CDH13: variants seen among roughly 807,000 people sequenced by gnomAD.
CDH13 encodes cadherin-13.
A neutral mutation model predicts 63.8 loss-of-function variants in CDH13; 24 were observed. The observed-to-expected ratio is 0.38, with a 90% CI of 0.27 to 0.53. The LOEUF (loss-of-function observed/expected upper bound fraction) is 0.53, where lower values mean the gene tolerates loss of function less well. Among genes scored for constraint, CDH13 ranks in the 20% least tolerant of loss-of-function variants. The pLI, the probability that CDH13 is intolerant of heterozygous loss-of-function variation, is 0.85. For missense variants in CDH13, 1,049 were observed against 903.1 expected, an observed-to-expected ratio of 1.16 and a Z score of -2.07; for synonymous variants, 503 against 355.3, an observed-to-expected ratio of 1.42 and a Z score of -4.67.
At position 83,197,176 on chromosome 16, in the gene CDH13, C is replaced by G. The variant is rs535503458; in HGVS notation, c.484-20169C>G. Among the ~76,000 whole-genome samples the G allele has an allele frequency of 1.7e-4, 26 of 152,178 alleles. 1 individual carries two copies. The South Asian group carries it at 5.2e-3, about 30-fold the overall frequency. ...CAGGGAATTATGCTGAATGAAAATG[C>G]TAATCCCAGAGGTTGCATACTATAT... On this transcript the variant is annotated intron_variant, in intron 4 of 13. Transcript: ENST00000567109.
rs181306646 is a variant in CDH13, at chr16:83,744,269, A to T, written c.1539-3839A>T. ...ATTTTTACCAGTGCATGTGCCTCGC[A>T]CAGACCTAGTGAGGTGATTAATTCT... On this transcript the variant is annotated intron_variant, in intron 10 of 13. Transcript: ENST00000567109. 1.6e-3 allele frequency among the ~76,000 whole-genome samples: 249 copies of T among 152,308 alleles called. 1 individual carries two copies. Among genetic ancestry groups the T allele is most frequent in the African/African-American group, 5.6e-3 (234 of 41,574 alleles).
intron 5 of CDH13, among the ~76,000 whole-genome samples, chr16:83,253,295 G>A (rs945828715): frequency 1.3e-5 from 2 of 152,168 alleles, no homozygotes; most frequent in Admixed American, 6.5e-5. Context: ...CTAGGGCGGG[G>A]TACCTGACAT....
chr16:83,541,522 T>C lies in CDH13; in HGVS notation c.960+54867T>C, dbSNP rs2075295613. ...TTAATTTTCCAAAGTTCCTTGCAGT[T>C]AGGCAGGGCCATGAAACAGACAATG... On this transcript the variant is annotated intron_variant, in intron 7 of 13. Transcript: ENST00000567109. 1.3e-5 allele frequency among the ~76,000 whole-genome samples: 2 copies of C among 152,184 alleles called. 1 individual carries two copies. Among genetic ancestry groups the C allele is most frequent in the Admixed American group, 1.3e-4 (2 of 15,268 alleles).
chr16:83,071,739 A>G (rs111846766), intron 3 of CDH13, among the ~76,000 whole-genome samples: 9,882 of 152,320 alleles, frequency 0.065, 453 homozygotes, highest in Non-Finnish European at 0.1. Flanking sequence ...CATGTTAAAT[A>G]TTTGAATAAA....
intron 3 of CDH13, among the ~76,000 whole-genome samples, chr16:83,100,335 T>G (rs1274415604): frequency 2.6e-5 from 4 of 152,178 alleles, no homozygotes; most frequent in African/African-American, 9.7e-5. Flanking sequence ...TAGGAAGTGT[T>G]GGGGATACCA....
At chr16:82,941,691 C>T (rs1372288291) in intron 2 of CDH13, among the ~76,000 whole-genome samples, 4 of 152,134 alleles carry the variant, frequency 2.6e-5, no homozygotes, top group Non-Finnish European at 5.9e-5. Flanking sequence ...TTGTACCGAG[C>T]TCTCTATCTC....
At chr16:83,258,673 A>G (rs1345801715) in intron 5 of CDH13, among the ~76,000 whole-genome samples, 2 of 152,224 alleles carry the variant, frequency 1.3e-5, no homozygotes, top group African/African-American at 4.8e-5. Flanking sequence ...TTAACGCAAG[A>G]AGAGAATCTG....
At chr16:82,830,086 C>G (rs1439158777) in intron 1 of CDH13, among the ~76,000 whole-genome samples, 3 of 152,100 alleles carry the variant, frequency 2.0e-5, no homozygotes, top group Non-Finnish European at 2.9e-5. Context: ...GTTATTGTTA[C>G]TACTTTTTTT....
chr16:83,105,903 G>A (rs1041612264), intron 3 of CDH13, among the ~76,000 whole-genome samples: 2 of 152,168 alleles, frequency 1.3e-5, no homozygotes, highest in Admixed American at 6.5e-5. Context: ...TTAGAGAAAC[G>A]ACACAATGAA....
At chr16:83,228,680 C>T (rs1056650641) in intron 5 of CDH13, among the ~76,000 whole-genome samples, 9 of 152,164 alleles carry the variant, frequency 5.9e-5, no homozygotes, top group African/African-American at 2.2e-4. Context: ...GCACCTCCAG[C>T]GGAGTGCGTG....
chr16:83,712,276 G>A (rs1418061837), intron 10 of CDH13, among the ~76,000 whole-genome samples: 2 of 152,274 alleles, frequency 1.3e-5, no homozygotes, highest in South Asian at 4.2e-4. Flanking sequence ...GAGAACCTGT[G>A]GTTTACAATA....
chr16:83,378,445 T>A (rs2091495642), intron 6 of CDH13, among the ~76,000 whole-genome samples: 1 of 152,212 alleles, frequency 6.6e-6, no homozygotes, highest in Non-Finnish European at 1.5e-5. Flanking sequence ...TATGTTCTAG[T>A]TGTCTGCAAC....
At chr16:83,330,562 T>G (rs2090458660) in intron 5 of CDH13, among the ~76,000 whole-genome samples, 1 of 152,150 alleles carries the variant, frequency 6.6e-6, no homozygotes. Flanking sequence ...CCAAGGGACA[T>G]GGCATCCCCA....
intron 2 of CDH13, among the ~76,000 whole-genome samples, chr16:82,886,199 C>G (rs1348884421): frequency 2.0e-5 from 3 of 152,124 alleles, no homozygotes; most frequent in Non-Finnish European, 2.9e-5. Flanking sequence ...TAGACTATAT[C>G]AAATTTCTGT....
intron 7 of CDH13, among the ~76,000 whole-genome samples, chr16:83,597,488 C>T (rs1907379347): frequency 6.6e-6 from 1 of 152,000 alleles, no homozygotes; most frequent in East Asian, 1.9e-4. Context: ...CGTGTGTGTC[C>T]ACTTGTATAG....
chr16:83,499,234 T>C (rs905838157), intron 7 of CDH13, among the ~76,000 whole-genome samples: 11 of 152,232 alleles, frequency 7.2e-5, no homozygotes, highest in South Asian at 2.1e-4. Flanking sequence ...AGAAAGATGT[T>C]CACCATGTAT....
At chr16:83,067,890 C>T (rs182585498) in intron 3 of CDH13, among the ~76,000 whole-genome samples, 3 of 152,134 alleles carry the variant, frequency 2.0e-5, no homozygotes, top group Admixed American at 6.6e-5. Flanking sequence ...CTCCATTTCG[C>T]CACCTGCTCT....
chr16:83,091,041 G>A (rs544884650), intron 3 of CDH13, among the ~76,000 whole-genome samples: 1 of 151,916 alleles, frequency 6.6e-6, no homozygotes, highest in Non-Finnish European at 1.5e-5. Flanking sequence ...TTTCTATGTT[G>A]CTACATGATC....
chr16:83,053,717 T>C (rs1804713508), intron 3 of CDH13, among the ~76,000 whole-genome samples: 1 of 152,144 alleles, frequency 6.6e-6, no homozygotes, highest in African/African-American at 2.4e-5. Flanking sequence ...GAGAGAAGTA[T>C]CGCTACAGAT....
Sources: allele counts gnomAD v4.1 joint callset (sites outside exome capture counted in the v4.1 genomes callset), GRCh38; gene constraint gnomAD v4.1.1; transcripts MANE v1.5; gene names NCBI Gene and HGNC (gene_info 2026-07-23, HGNC 2026-07-21).